Variants in TBL1X observed in about 807,000 individuals in gnomAD.
TBL1X encodes the protein transducin beta like 1 X-linked.
TBL1X carries 10 observed loss-of-function variants against 50.7 expected under a neutral mutation model. The observed-to-expected ratio is 0.20, with a 90% CI of 0.12 to 0.33. TBL1X has a LOEUF of 0.33. Ranked by LOEUF, TBL1X falls within the 10% of genes least tolerant of loss-of-function variation. TBL1X has a pLI of 1.00. For missense variants in TBL1X, 340 were observed against 504.4 expected (o/e 0.67, Z 3.12); for synonymous variants, 190 against 214.7 (o/e 0.88, Z 1.01).
intron 1 of TBL1X, among the ~76,000 whole-genome samples, chrX:9,490,986 A>T (rs1055540468): frequency 1.0e-4 from 11 of 106,569 alleles, no homozygotes; most frequent in African/African-American, 2.0e-4. Flanking sequence ...TTTGTTTTTA[A>T]TTTTTTTTTT....
chrX:9,508,903 G>A (rs1342333137), intron 2 of TBL1X, among the ~76,000 whole-genome samples: 1 of 109,640 alleles, frequency 9.1e-6, no homozygotes, highest in African/African-American at 3.3e-5. Context: ...CATAGACACA[G>A]AGAGGGGAAC....
At chrX:9,567,782 C>T (rs1436701359) in intron 2 of TBL1X, among the ~76,000 whole-genome samples, 1 of 112,108 alleles carries the variant, frequency 8.9e-6, no homozygotes. Context: ...CATCCCTTGC[C>T]TTTGGCACCA....
chrX:9,659,508 T>C (rs2082884968), intron 5 of TBL1X, among the ~76,000 whole-genome samples: 1 of 112,914 alleles, frequency 8.9e-6, no homozygotes, highest in South Asian at 3.6e-4. Context: ...ATGCATCCTC[T>C]TGTGGAGGGA....
intron 2 of TBL1X, among the ~76,000 whole-genome samples, chrX:9,565,221 A>G (rs776693993): frequency 1.4e-4 from 13 of 93,009 alleles, no homozygotes; most frequent in South Asian, 1.2e-3. Flanking sequence ...GCAGTGAGCC[A>G]AGATGGCGCC....
intron 2 of TBL1X, among the ~76,000 whole-genome samples, chrX:9,563,060 G>A (rs968560511): frequency 1.2e-4 from 14 of 112,479 alleles, no homozygotes; most frequent in South Asian, 3.6e-4. Flanking sequence ...CCTGGCTGCC[G>A]TTCTGGCTTC....
At chrX:9,629,437 A>T (rs1048542006) in intron 2 of TBL1X, among the ~76,000 whole-genome samples, 1 of 112,218 alleles carries the variant, frequency 8.9e-6, no homozygotes, top group African/African-American at 3.2e-5. Flanking sequence ...TTCTGTTGCC[A>T]TATCTAGGTA....
At position 9,492,838 on chromosome X, in the gene TBL1X, G is replaced by GGTGTGT. The variant is rs774050435; in HGVS notation, c.-200-8887_-200-8882dup. Reference sequence around the variant, plus strand: ...AATATTGTTGAGATTGGGGCTAGAGGGTGTGTGTGTGTGTGTGTGTGTGTG... The same window carrying GGTGTGT: ...AATATTGTTGAGATTGGGGCTAGAGGGTGTGTGTGTGTGTGTGTGTGTGTGTGTGTG... On this transcript the variant is annotated intron_variant, in intron 1 of 17. Coordinates refer to ENST00000645353, the MANE Select transcript of TBL1X (RefSeq NM_005647.4). 5.7e-3 allele frequency among the ~76,000 whole-genome samples: 322 copies of GGTGTGT among 56,974 alleles called. 9 individuals carry two copies. The highest frequency in any genetic ancestry group is 8.0e-3 in the Non-Finnish European group (232 of 28,934). 49.5% of individuals were successfully genotyped at this position (56,974 alleles called of 115,157 possible).
rs188358880 is a variant in TBL1X at position 9,717,442 on chromosome X, C to G, written c.*1196C>G. ...AAACTCTGGCTGGACAAGGGTCAGTCTTCGGGGTCAGCAGCGAGATTGCTC... is the reference window on the plus strand; with the variant it reads ...AAACTCTGGCTGGACAAGGGTCAGTGTTCGGGGTCAGCAGCGAGATTGCTC... On this transcript the variant is annotated 3_prime_UTR_variant, in exon 18 of 18. Transcript: ENST00000645353. 1 of 111,860 alleles carries G rather than the reference C, an allele frequency of 8.9e-6. No homozygotes were observed. The allele number at this position is 111,860 out of a possible 1,213,427, so 9.2% of individuals were successfully genotyped here. A position where few individuals can be genotyped will look rare whatever the true frequency, so the allele number is the denominator to read the frequency against.
intron 5 of TBL1X, among the ~76,000 whole-genome samples, chrX:9,658,479 C>T (rs764365682): frequency 4.5e-5 from 5 of 110,611 alleles, no homozygotes; most frequent in East Asian, 5.8e-4. Flanking sequence ...GAGTTGTGTG[C>T]CCCCGCATAT....
chrX:9,638,443 A>G lies in TBL1X; in HGVS notation c.-130-1830A>G, dbSNP rs146558782. The stretch of plus-strand genomic sequence containing the variant: ...TCATTTAAATGTATTGTTTCTAGCA[A>G]TAAACTAATTATTTTTGACATGTTT... On this transcript the variant is annotated intron_variant, in intron 2 of 17. Coordinates refer to ENST00000645353, the MANE Select transcript of TBL1X (RefSeq NM_005647.4). 9.7e-3 allele frequency among the ~76,000 whole-genome samples: 1,094 copies of G among 112,397 alleles called. 10 individuals are homozygous for G. Among genetic ancestry groups the G allele is most frequent in the African/African-American group, 0.033 (1,038 of 31,017 alleles).
intron 5 of TBL1X, among the ~76,000 whole-genome samples, chrX:9,661,455 G>A (rs2082898185): frequency 9.0e-6 from 1 of 111,527 alleles, no homozygotes; most frequent in Admixed American, 9.5e-5. Context: ...AGCCTGGGAG[G>A]TCAAGGCTGC....
intron 2 of TBL1X, chrX:9,639,885 G>C (rs777420406): frequency 8.9e-6 from 1 of 111,797 alleles, no homozygotes; most frequent in Admixed American, 9.5e-5. Flanking sequence ...ATAAGGCCCT[G>C]TTCCAAAAAC....
intron 2 of TBL1X, among the ~76,000 whole-genome samples, chrX:9,556,177 A>C (rs1480639917): frequency 1.9e-5 from 2 of 107,157 alleles, no homozygotes; most frequent in East Asian, 5.9e-4. Flanking sequence ...TGCCAGTGAG[A>C]CTGTGTCTAA....
intron 15 of TBL1X, among the ~76,000 whole-genome samples, chrX:9,711,297 A>G (rs1601857173): frequency 9.4e-6 from 1 of 106,769 alleles, no homozygotes; most frequent in Non-Finnish European, 1.9e-5. Flanking sequence ...AGTCATGATC[A>G]CGCCACTGCA....
At chrX:9,530,912 C>G (rs745879754) in intron 2 of TBL1X, 2 of 111,748 alleles carry the variant, frequency 1.8e-5, no homozygotes, top group South Asian at 3.7e-4. Flanking sequence ...AAAAATGGAC[C>G]GAGCATCACG....
intron 1 of TBL1X, among the ~76,000 whole-genome samples, chrX:9,477,748 G>A (rs1309343155): frequency 9.0e-6 from 1 of 111,555 alleles, no homozygotes; most frequent in Admixed American, 9.5e-5. Flanking sequence ...AATTTACTGG[G>A]TTGTGTAGAG....
chrX:9,665,322 C>T (rs1275725740), intron 5 of TBL1X, among the ~76,000 whole-genome samples: 5 of 102,120 alleles, frequency 4.9e-5, no homozygotes, highest in Non-Finnish European at 9.9e-5. Flanking sequence ...TTAGTTAACC[C>T]GGAAAAGGGT....
intron 5 of TBL1X, among the ~76,000 whole-genome samples, chrX:9,679,153 C>A (rs1379911230): frequency 1.8e-5 from 2 of 108,429 alleles, no homozygotes; most frequent in East Asian, 5.8e-4. Flanking sequence ...TAGCAACAAC[C>A]AAGAACCAAG....
Position 9,717,349 on chromosome X carries a change from A to G in TBL1X, c.*1103A>G, listed in dbSNP as rs1188414538. 1 of 112,428 alleles carries G rather than the reference A, an allele frequency of 8.9e-6. No individual in the cohort carries two copies. Among genetic ancestry groups the G allele is most frequent in the Non-Finnish European group, 1.9e-5 (1 of 53,249 alleles). 9.3% of individuals were successfully genotyped at this position (112,428 alleles called of 1,213,427 possible). On this transcript the variant is annotated 3_prime_UTR_variant, in exon 18 of 18. Coordinates refer to ENST00000645353, the MANE Select transcript of TBL1X (RefSeq NM_005647.4). ...GTGATTCATGTTTTAAAAAGAACCGAAGAAGCCACAGGCAGGGCCTGAGGG... is the reference window on the plus strand; with the variant it reads ...GTGATTCATGTTTTAAAAAGAACCGGAGAAGCCACAGGCAGGGCCTGAGGG...
Sources: allele counts gnomAD v4.1 joint callset (sites outside exome capture counted in the v4.1 genomes callset), GRCh38; gene constraint gnomAD v4.1.1; transcripts MANE v1.5; gene names NCBI Gene and HGNC (gene_info 2026-07-23, HGNC 2026-07-21).